Variants in AGBL1 observed in about 807,000 individuals in gnomAD.
AGBL1 encodes cytosolic carboxypeptidase 4.
Under a neutral mutation model 118.9 loss-of-function variants are expected in AGBL1, and 130 were observed. The ratio of observed to expected loss-of-function variants is 1.09; its 90% confidence interval spans 0.95 to 1.26. The LOEUF is 1.26. AGBL1 is among the 50% of genes most tolerant of loss of function. AGBL1 has a pLI of 0.00. For synonymous variants in AGBL1, 555 were observed against 478.9 expected, an observed-to-expected ratio of 1.16 and a Z score of -2.08; for missense variants, 1,584 against 1,298.1, an observed-to-expected ratio of 1.22 and a Z score of -3.38.
chr15:86,739,967 A>G (rs1207054478), intron 22 of AGBL1, among the ~76,000 whole-genome samples: 1 of 152,224 alleles, frequency 6.6e-6, no homozygotes, highest in Non-Finnish European at 1.5e-5. Context: ...ACACTCTTAA[A>G]TAACCCCTTT....
intron 22 of AGBL1, among the ~76,000 whole-genome samples, chr15:86,771,543 G>A (rs2078181137): frequency 1.3e-5 from 2 of 151,856 alleles, no homozygotes; most frequent in Non-Finnish European, 2.9e-5. Flanking sequence ...TGGTATGGGG[G>A]AAAGATTACC....
intron 5 of AGBL1, among the ~76,000 whole-genome samples, chr15:86,179,215 G>A (rs989684907): frequency 2.0e-5 from 3 of 152,194 alleles, no homozygotes; most frequent in Non-Finnish European, 2.9e-5. Flanking sequence ...GAGCACAGAA[G>A]AACAATATAG....
At position 86,079,894 on chromosome 15, in the gene AGBL1, G is replaced by T. The variant is rs967325326; in HGVS notation, c.-79G>T. On this transcript the variant is annotated 5_prime_UTR_variant, in exon 1 of 23. Coordinates refer to ENST00000614907, the MANE Select transcript of AGBL1 (RefSeq NM_001386094.1). ...GCAGTCGTCTCCTGCGAGGCGGGCA[G>T]CGAGGTCAGCTTGGCAGCCGCTGCC... The T allele has an allele frequency of 7.3e-6, 8 of 1,094,460 alleles. No individual in the cohort carries two copies. The highest frequency in any genetic ancestry group is 9.3e-6 in the Non-Finnish European group (8 of 860,906). The allele number at this position is 1,094,460 out of a possible 1,614,324, so 67.8% of individuals were successfully genotyped here. A position where few individuals can be genotyped will look rare whatever the true frequency, so the allele number is the denominator to read the frequency against.
intron 24 of AGBL1, among the ~76,000 whole-genome samples, chr15:87,010,240 C>T (rs2081544725): frequency 6.6e-6 from 1 of 152,086 alleles, no homozygotes. Context: ...TCTCATGAGA[C>T]CTGATGGTTT....
intron 1 of AGBL1, among the ~76,000 whole-genome samples, chr15:86,122,459 A>G (rs540200257): frequency 3.9e-5 from 6 of 152,292 alleles, no homozygotes; most frequent in African/African-American, 1.4e-4. Context: ...ACAGTATGGA[A>G]AGCAAAAATA....
chr15:86,300,143 T>G lies in AGBL1; in HGVS notation c.2374+4735T>G, dbSNP rs183545804. The stretch of plus-strand genomic sequence containing the variant: ...TTCCCAGATACCCCTCTTTAGGCTT[T>G]GGTCTTACTGGACTATTACCCAGAA... On this transcript the variant is annotated intron_variant, in intron 17 of 22. Coordinates refer to ENST00000614907, the MANE Select transcript of AGBL1 (RefSeq NM_001386094.1). Among the ~76,000 whole-genome samples the G allele has an allele frequency of 2.0e-5, 3 of 152,272 alleles. No homozygotes were observed. In the East Asian group the frequency reaches 5.8e-4, roughly 29 times the overall value.
At chr15:86,972,553 T>C (rs748109431) in intron 23 of AGBL1, among the ~76,000 whole-genome samples, 68 of 152,178 alleles carry the variant, frequency 4.5e-4, no homozygotes, top group South Asian at 6.2e-4. Flanking sequence ...TTTTATCTTA[T>C]GGGCATTACT....
chr15:86,143,141 T>C (rs187018194), intron 2 of AGBL1, among the ~76,000 whole-genome samples: 18 of 152,342 alleles, frequency 1.2e-4, no homozygotes, highest in African/African-American at 3.8e-4. Context: ...CTCTAGACTG[T>C]CTTCAAAATT....
intron 22 of AGBL1, among the ~76,000 whole-genome samples, chr15:86,831,206 T>C (rs1021094517): frequency 1.3e-5 from 2 of 152,180 alleles, no homozygotes; most frequent in African/African-American, 4.8e-5. Context: ...TTATGGGAGC[T>C]AAAATTCAAG....
intron 18 of AGBL1, among the ~76,000 whole-genome samples, chr15:86,434,676 G>A (rs941857475): frequency 5.3e-5 from 8 of 152,212 alleles, no homozygotes; most frequent in South Asian, 2.1e-4. Flanking sequence ...TCCATTAGTC[G>A]GTCCCCTCTA....
chr15:86,433,809 T>C (rs2081969175), intron 18 of AGBL1, among the ~76,000 whole-genome samples: 1 of 152,192 alleles, frequency 6.6e-6, no homozygotes, highest in African/African-American at 2.4e-5. Context: ...AGTGAATGAG[T>C]AAGCAGAGGC....
chr15:86,393,299 C>G (rs565668846), intron 17 of AGBL1, among the ~76,000 whole-genome samples: 2 of 152,236 alleles, frequency 1.3e-5, no homozygotes, highest in East Asian at 3.9e-4. Context: ...CTGCGTTGTA[C>G]TAGGTATATC....
chr15:86,589,815 T>A (rs1302829378), intron 21 of AGBL1, among the ~76,000 whole-genome samples: 2 of 152,184 alleles, frequency 1.3e-5, no homozygotes, highest in African/African-American at 4.8e-5. Flanking sequence ...TCCACACATA[T>A]TTTTTGTAAT....
At chr15:86,278,493 A>C (rs952211755) in intron 15 of AGBL1, among the ~76,000 whole-genome samples, 1 of 152,144 alleles carries the variant, frequency 6.6e-6, no homozygotes, top group Non-Finnish European at 1.5e-5. Flanking sequence ...CAGATTTTCT[A>C]TCTCTTTCTT....
At chr15:86,679,459 T>C (rs1477057639) in intron 22 of AGBL1, among the ~76,000 whole-genome samples, 2 of 152,126 alleles carry the variant, frequency 1.3e-5, no homozygotes, top group Admixed American at 6.5e-5. Context: ...TCTCTAGTTA[T>C]ACCTAAAAGT....
intron 5 of AGBL1, among the ~76,000 whole-genome samples, chr15:86,223,714 G>A (rs930447924): frequency 6.6e-6 from 1 of 152,160 alleles, no homozygotes; most frequent in Non-Finnish European, 1.5e-5. Context: ...TTGCACAGGG[G>A]CCTGTGAATT....
At chr15:86,288,197 A>T (rs999078461) in intron 16 of AGBL1, among the ~76,000 whole-genome samples, 5 of 152,172 alleles carry the variant, frequency 3.3e-5, no homozygotes, top group Non-Finnish European at 5.9e-5. Flanking sequence ...AGCAGCTGTC[A>T]CTCAAATGTT....
chr15:86,569,873 C>T (rs2083977220), intron 21 of AGBL1, among the ~76,000 whole-genome samples: 1 of 152,060 alleles, frequency 6.6e-6, no homozygotes, highest in Non-Finnish European at 1.5e-5. Context: ...TCCTATGAGC[C>T]TCAAAAGACC....
intron 22 of AGBL1, among the ~76,000 whole-genome samples, chr15:86,786,660 G>A (rs775224380): frequency 1.3e-5 from 2 of 152,026 alleles, no homozygotes; most frequent in Non-Finnish European, 2.9e-5. Context: ...TCTATCATTT[G>A]TTGATACATC....
Sources: allele counts gnomAD v4.1 joint callset (sites outside exome capture counted in the v4.1 genomes callset), GRCh38; gene constraint gnomAD v4.1.1; transcripts MANE v1.5; gene names NCBI Gene and HGNC (gene_info 2026-07-23, HGNC 2026-07-21).